TFG: variants seen among roughly 807,000 people sequenced by gnomAD.
TFG encodes the protein trafficking from ER to golgi regulator.
In TFG, 22 loss-of-function variants were observed where a neutral mutation model predicts 51.4. That is an observed-to-expected ratio of 0.43 (90% CI 0.31 to 0.61). The LOEUF (loss-of-function observed/expected upper bound fraction) is 0.61. Among genes scored for constraint, TFG ranks in the 20% least tolerant of loss-of-function variants. The probability of loss-of-function intolerance (pLI) is 0.12; values close to 1 mark genes in which losing one functional copy is unlikely to be tolerated. For synonymous variants in TFG, 187 were observed against 165.6 expected (o/e 1.13, Z -0.99); for missense variants, 419 against 487.7 (o/e 0.86, Z 1.33).
chr3:100,728,204 G>C (rs989913496), intron 3 of TFG, among the ~76,000 whole-genome samples: 4 of 151,882 alleles, frequency 2.6e-5, no homozygotes, highest in Non-Finnish European at 4.4e-5. Context: ...TCAAGACAAA[G>C]TTATGCAAGA....
intron 6 of TFG, chr3:100,744,135 A>C (rs1010009071): frequency 6.6e-6 from 1 of 152,238 alleles, no homozygotes; most frequent in Non-Finnish European, 1.5e-5. Flanking sequence ...GGGTTTCTTC[A>C]TAGGAACAGT....
At chr3:100,734,436 G>A (rs1464945449) in intron 5 of TFG, among the ~76,000 whole-genome samples, 2 of 152,042 alleles carry the variant, frequency 1.3e-5, no homozygotes, top group Non-Finnish European at 2.9e-5. Context: ...CTTCACTTCC[G>A]GGATTTTCCT....
At chr3:100,735,290 C>G (rs447236) in intron 5 of TFG, among the ~76,000 whole-genome samples, 1 of 152,094 alleles carries the variant, frequency 6.6e-6, no homozygotes, top group South Asian at 2.1e-4. Context: ...GTGGTAAGTT[C>G]TGGGGATACA....
chr3:100,748,315 C>T lies in TFG; in HGVS notation c.987C>T (p.Tyr329=), dbSNP rs1362903359. ...YQASNYPAQT[Y]TAQTSQPTNY... is the part of the protein sequence containing the mutation. The stretch of plus-strand genomic sequence containing the variant: ...CGAGCAATTATCCTGCACAAACTTA[C>T]ACTGCCCAAACTTCTCAGCCTACTA... Residue 329 remains tyrosine (Y), a synonymous_variant, in exon 8 of 8, where the codon TAC becomes TAT. Transcript: ENST00000240851. 1.2e-6 allele frequency: 2 copies of T among 1,613,942 alleles called. No homozygotes were observed. Among genetic ancestry groups the T allele is most frequent in the East Asian group, 2.2e-5 (1 of 44,882 alleles).
chr3:100,720,070 A>G lies in TFG; in HGVS notation c.268+12A>G, dbSNP rs2149066494. ...ACTGACATTATTTGGTGAGTAGTAAACTTTCTAATGAATTTACTATTTTAT... is the reference window on the plus strand; with the variant it reads ...ACTGACATTATTTGGTGAGTAGTAAGCTTTCTAATGAATTTACTATTTTAT... On this transcript the variant is annotated intron_variant, in intron 3 of 7. Coordinates refer to ENST00000240851, the MANE Select transcript of TFG (RefSeq NM_006070.6). 1 of 1,479,028 alleles carries G rather than the reference A, an allele frequency of 6.8e-7. No homozygotes were observed. Among genetic ancestry groups the G allele is most frequent in the Non-Finnish European group, 9.1e-7 (1 of 1,094,168 alleles). 91.6% of individuals were successfully genotyped at this position (1,479,028 alleles called of 1,614,324 possible).
chr3:100,737,916 A>G (rs28530760), intron 6 of TFG, among the ~76,000 whole-genome samples: 4,522 of 152,202 alleles, frequency 0.03, 181 homozygotes, highest in African/African-American at 0.092. Flanking sequence ...AAAATTAGCC[A>G]GGTGCTATGG....
intron 3 of TFG, among the ~76,000 whole-genome samples, chr3:100,725,097 G>C (rs908532843): frequency 3.3e-5 from 5 of 151,974 alleles, no homozygotes; most frequent in African/African-American, 1.2e-4. Flanking sequence ...TAGTAGAGAC[G>C]GGGTTTCACC....
intron 1 of TFG, 114 bp from the exon 2 acceptor site, chr3:100,713,529 A>T (rs1258860502): frequency 2.3e-6 from 1 of 434,584 alleles, no homozygotes; most frequent in African/African-American, 2.0e-5. Flanking sequence ...AAATATGGTA[A>T]CATGGGGATA....
chr3:100,748,631 A>G lies in TFG; in HGVS notation c.*100A>G. On this transcript the variant is annotated 3_prime_UTR_variant, in exon 8 of 8. Coordinates refer to ENST00000240851, the MANE Select transcript of TFG (RefSeq NM_006070.6). ...GTATTGAAGAAGTTCAGAAATTTAA[A>G]AGCAGAGCATTTTTTATGATATCAT... 1 of 1,288,852 alleles carries G rather than the reference A, an allele frequency of 7.8e-7. No homozygotes were observed. The highest frequency in any genetic ancestry group is 1.0e-6 in the Non-Finnish European group (1 of 960,586). The allele number at this position is 1,288,852 out of a possible 1,614,324, so 79.8% of individuals were successfully genotyped here.
At chr3:100,719,057 TAAAC>T (rs2095054006) in intron 2 of TFG, among the ~76,000 whole-genome samples, 1 of 152,228 alleles carries the variant, frequency 6.6e-6, no homozygotes, top group Non-Finnish European at 1.5e-5. Context: ...AATTGAACAT[TAAAC>T]AAGTATGTTA....
intron 4 of TFG, among the ~76,000 whole-genome samples, chr3:100,730,209 A>G (rs2095087717): frequency 6.6e-6 from 1 of 152,216 alleles, no homozygotes; most frequent in Non-Finnish European, 1.5e-5. Context: ...AGTATAGCCA[A>G]TACTGTTCAG....
intron 2 of TFG, among the ~76,000 whole-genome samples, chr3:100,714,446 G>A (rs1166794072): frequency 1.3e-5 from 2 of 151,714 alleles, no homozygotes; most frequent in African/African-American, 4.8e-5. Flanking sequence ...CTTACATTGA[G>A]CCAAGATCGT....
At chr3:100,739,253 A>G (rs1221381587) in intron 6 of TFG, among the ~76,000 whole-genome samples, 1 of 152,232 alleles carries the variant, frequency 6.6e-6, no homozygotes, top group Non-Finnish European at 1.5e-5. Context: ...ATGTGTTAAT[A>G]GTCCATACTA....
intron 1 of TFG, among the ~76,000 whole-genome samples, chr3:100,712,762 A>C (rs79846896): frequency 0.011 from 1,649 of 152,340 alleles, 25 homozygotes; most frequent in Non-Finnish European, 0.016. Flanking sequence ...GCTTTGAAGA[A>C]AAATAAAGCA....
At chr3:100,734,819 A>G (rs981829495) in intron 5 of TFG, among the ~76,000 whole-genome samples, 1 of 152,218 alleles carries the variant, frequency 6.6e-6, no homozygotes, top group Non-Finnish European at 1.5e-5. Flanking sequence ...AGACTAGAAT[A>G]ATATTAATAT....
intron 3 of TFG, among the ~76,000 whole-genome samples, chr3:100,723,183 TA>T (rs2095065478): frequency 6.6e-6 from 1 of 152,154 alleles, no homozygotes; most frequent in Non-Finnish European, 1.5e-5. Flanking sequence ...ATGATAGGAA[TA>T]AAAATATTTT....
In TFG at chr3:100,713,985, CA is replaced by C. The variant is rs1394873881; in HGVS notation, c.184+119del. On this transcript the variant is annotated intron_variant, in intron 2 of 7. Coordinates refer to ENST00000240851, the MANE Select transcript of TFG (RefSeq NM_006070.6). ...GTGTGATCATAGCTCAGTGTCACCT[CA>C]AACTCCTGGGCTCAAGCAATCCTGC... is the stretch of plus-strand genomic sequence containing the variant. The C allele has an allele frequency of 5.3e-6, 3 of 566,634 alleles. No individual in the cohort carries two copies. In the Admixed American group the frequency reaches 1.2e-4, roughly 22 times the overall value. 35.1% of individuals were successfully genotyped at this position (566,634 alleles called of 1,614,324 possible). A position where few individuals can be genotyped will look rare whatever the true frequency, so the allele number is the denominator to read the frequency against.
At chr3:100,736,145 G>A (rs1476707674) in intron 5 of TFG, among the ~76,000 whole-genome samples, 2 of 152,142 alleles carry the variant, frequency 1.3e-5, no homozygotes, top group East Asian at 1.9e-4. Flanking sequence ...AGGGAGGCAT[G>A]TGAGAAGAGA....
chr3:100,746,269 A>G (rs754749470), intron 7 of TFG, among the ~76,000 whole-genome samples: 2 of 152,130 alleles, frequency 1.3e-5, no homozygotes, highest in Admixed American at 1.3e-4. Context: ...GGGGGAGGCT[A>G]TGTGTGGGGC....
Sources: gnomAD v4.1 joint callset for allele counts (sites outside exome capture counted in the v4.1 genomes callset) on GRCh38, gnomAD v4.1.1 for gene constraint, MANE v1.5 for transcripts, NCBI Gene and HGNC (gene_info 2026-07-23, HGNC 2026-07-21) for gene names.